Variants in CASP2 observed in about 807,000 individuals in gnomAD.
The protein encoded by CASP2 is caspase-2.
In CASP2, 38 loss-of-function variants were observed where a neutral mutation model predicts 54.4. The observed-to-expected ratio is 0.70, with a 90% CI of 0.54 to 0.92. CASP2 has a LOEUF of 0.92. CASP2 is among the 40% of genes least tolerant of loss of function. The pLI, the probability that CASP2 is intolerant of heterozygous loss-of-function variation, is 0.00. For missense variants in CASP2, 512 were observed against 579.6 expected, an observed-to-expected ratio of 0.88 and a Z score of 1.20; for synonymous variants, 215 against 216.3, an observed-to-expected ratio of 0.99 and a Z score of 0.05.
chr7:143,291,987 C>T (rs867615472), intron 2 of CASP2, among the ~76,000 whole-genome samples: 12 of 151,882 alleles, frequency 7.9e-5, no homozygotes, highest in Middle Eastern at 3.4e-3. Context: ...ACTGTGTTAG[C>T]CAGGAGGGTG....
intron 6 of CASP2, among the ~76,000 whole-genome samples, chr7:143,297,066 G>A (rs528699988): frequency 3.3e-5 from 5 of 152,208 alleles, no homozygotes; most frequent in Admixed American, 1.3e-4. Flanking sequence ...CTTTGAAAAT[G>A]TAAGGACAAG....
In CASP2 at chr7:143,294,318, C is replaced by A. The variant is rs757926326; in HGVS notation, c.564C>A (p.Phe188Leu). 3 of 1,603,132 alleles carry A rather than the reference C, an allele frequency of 1.9e-6. No homozygotes were observed. The highest frequency in any genetic ancestry group is 2.6e-6 in the Non-Finnish European group (3 of 1,170,148). Residue 188 changes from phenylalanine (F) to leucine (L), a missense_variant, in exon 5 of 11, where the codon TTC (phenylalanine) becomes TTA (leucine). Physicochemically the swap from Phe to Leu is conservative, Grantham distance 22. Around this residue, in one of 3 missense-constraint regions of CASP2, gnomAD observed 417 missense variants for 495.4 expected, o/e 0.84. Coordinates refer to ENST00000310447, the MANE Select transcript of CASP2 (RefSeq NM_032982.4). ...CTCCTGAATTTTATCAAACACACTT[C>A]CAGCTGGTGAGTTTTTGCATAATGA... ...PCTPEFYQTH[F>L]QLAYRLQSRP...
At position 143,304,759 on chromosome 7, in the gene CASP2, G is replaced by A. The variant is rs750841601; in HGVS notation, c.1203G>A (p.Met401Ile). 1.5e-5 allele frequency: 25 copies of A among 1,614,058 alleles called. No individual in the cohort carries two copies. The highest frequency in any genetic ancestry group is 2.1e-5 in the Non-Finnish European group (25 of 1,180,012). Residue 401 changes from methionine to isoleucine, a missense_variant, in exon 10 of 11, where the codon ATG (methionine) becomes ATA (isoleucine). Met to Ile is a conservative substitution (Grantham distance 10). Around this residue, in one of 3 missense-constraint regions of CASP2, gnomAD observed 417 missense variants for 495.4 expected, o/e 0.84. Transcript: ENST00000310447. ...AQVFSERACD[M>I]HVADMLVKVN... is the part of the protein sequence containing the mutation. ...TGTTTTCTGAGCGGGCTTGTGATAT[G>A]CACGTGGCCGACATGCTGGTTAAGG...
chr7:143,289,510 C>A, intron 1 of CASP2: 1 of 326,406 alleles, frequency 3.1e-6, no homozygotes, highest in Non-Finnish European at 4.4e-6. Flanking sequence ...ATATTAAGGG[C>A]AGGCCAAAGG....
rs984754149 is a variant in CASP2 at position 143,292,181 on chromosome 7, A to T, written c.226-119A>T. 8 of 975,222 alleles carry T rather than the reference A, an allele frequency of 8.2e-6. No homozygotes were observed. In the African/African-American group the frequency reaches 1.1e-4, roughly 14 times the overall value. 60.4% of individuals were successfully genotyped at this position (975,222 alleles called of 1,614,324 possible). A position where few individuals can be genotyped will look rare whatever the true frequency, so the allele number is the denominator to read the frequency against. ...ATAACAGAAAGGACTTCACCCATAC[A>T]TACACTTTTCCTGTAAAAAGAATTC... is the stretch of plus-strand genomic sequence containing the variant. On this transcript the variant is annotated intron_variant, in intron 2 of 10. Transcript: ENST00000310447.
rs1313416142 is a variant in CASP2 at position 143,292,700 on chromosome 7, T to C, written c.475+2T>C. 2 of 1,610,464 alleles carry C rather than the reference T, an allele frequency of 1.2e-6. No individual in the cohort carries two copies. Among genetic ancestry groups the C allele is most frequent in the Non-Finnish European group, 8.5e-7 (1 of 1,178,416 alleles). On this transcript the variant is annotated splice_donor_variant, in intron 4 of 10. Coordinates refer to ENST00000310447, the MANE Select transcript of CASP2 (RefSeq NM_032982.4). LOFTEE classifies it high-confidence loss of function. ...ACAAGAAGCTCCGCCTGTCGACAGG[T>C]GAGAATTGATGGACTAAAAGGGGTC... is the stretch of plus-strand genomic sequence containing the variant.
intron 1 of CASP2, among the ~76,000 whole-genome samples, chr7:143,291,102 A>G (rs1427225619): frequency 6.6e-6 from 1 of 152,244 alleles, no homozygotes; most frequent in Non-Finnish European, 1.5e-5. Context: ...CATTGGCTTG[A>G]GTTTTTACCA....
In CASP2 at chr7:143,305,906, C is replaced by G. The variant is rs1802049480; in HGVS notation, c.*835C>G. The G allele has an allele frequency of 6.6e-6, 1 of 152,254 alleles. No homozygotes were observed. The highest frequency in any genetic ancestry group is 2.1e-4 in the South Asian group (1 of 4,832). 9.4% of individuals were successfully genotyped at this position (152,254 alleles called of 1,614,324 possible). On this transcript the variant is annotated 3_prime_UTR_variant, in exon 11 of 11. Transcript: ENST00000310447. ...TTTCCTTCCTGAGAAACGTCCATCT[C>G]TCTCCCTTACTATTCCCACTTTCAT...
At chr7:143,300,378 A>G (rs2116795772) in intron 8 of CASP2, 84 bp downstream of exon 8, 1 of 1,602,646 alleles carries the variant, frequency 6.2e-7, no homozygotes, top group Non-Finnish European at 8.5e-7. Flanking sequence ...TGCTCCTCTC[A>G]GGTGCTATTG....
At chr7:143,303,332 T>C (rs1265168947) in intron 8 of CASP2, 1 of 160,380 alleles carries the variant, frequency 6.2e-6, no homozygotes, top group African/African-American at 2.4e-5. Flanking sequence ...ACCGTATTTG[T>C]TATTTATTAC....
Position 143,305,159 on chromosome 7 carries a change from C to G in CASP2, c.*88C>G. 2 of 1,523,702 alleles carry G rather than the reference C, an allele frequency of 1.3e-6. No individual in the cohort carries two copies. Among genetic ancestry groups the G allele is most frequent in the South Asian group, 1.1e-5 (1 of 88,418 alleles). The allele number at this position is 1,523,702 out of a possible 1,614,324, so 94.4% of individuals were successfully genotyped here. On this transcript the variant is annotated 3_prime_UTR_variant, in exon 11 of 11. Coordinates refer to ENST00000310447, the MANE Select transcript of CASP2 (RefSeq NM_032982.4). ...CTTTGATCTTCAGGATGCACGGTTT[C>G]TGTTCTGCCCCCTCAGGGATGTGGG...
At position 143,306,092 on chromosome 7, in the gene CASP2, T is replaced by G. The variant is rs990626656; in HGVS notation, c.*1021T>G. ...ACAGGATCATGTAAATGCTCAAAGA[T>G]GTAATGTAGTTCTTTGTTCCTGCTT... On this transcript the variant is annotated 3_prime_UTR_variant, in exon 11 of 11. Coordinates refer to ENST00000310447, the MANE Select transcript of CASP2 (RefSeq NM_032982.4). 1.3e-5 allele frequency: 2 copies of G among 152,162 alleles called. No individual in the cohort carries two copies. Among genetic ancestry groups the G allele is most frequent in the Non-Finnish European group, 2.9e-5 (2 of 68,034 alleles). The allele number at this position is 152,162 out of a possible 1,614,324, so 9.4% of individuals were successfully genotyped here.
chr7:143,294,468 T>A, intron 5 of CASP2, 129 bp from the exon 6 acceptor site: 1 of 1,063,990 alleles, frequency 9.4e-7, no homozygotes, highest in Non-Finnish European at 1.5e-6. Context: ...CTGTGAGCAT[T>A]TGTCTATTTT....
At chr7:143,289,829 A>G (rs940449158) in intron 1 of CASP2, among the ~76,000 whole-genome samples, 1 of 152,154 alleles carries the variant, frequency 6.6e-6, no homozygotes, top group Non-Finnish European at 1.5e-5. Flanking sequence ...GAAAAAATGG[A>G]GTTTCAGACT....
At chr7:143,292,831 T>G in intron 4 of CASP2, 133 bp downstream of exon 4, 1 of 721,538 alleles carries the variant, frequency 1.4e-6, no homozygotes. Flanking sequence ...GCCAACATGG[T>G]GAAACCCCGT....
In CASP2 at chr7:143,291,710, A is replaced by G. The variant is rs1801566240; in HGVS notation, c.225+20A>G. 1 of 1,606,978 alleles carries G rather than the reference A, an allele frequency of 6.2e-7. No homozygotes were observed. Among genetic ancestry groups the G allele is most frequent in the East Asian group, 2.2e-5 (1 of 44,748 alleles). ...ATCCAGGTATCTGGAGGCAAAAGAG[A>G]GAAGATAAATTGATCATGGGGTGGG... On this transcript the variant is annotated intron_variant, in intron 2 of 10. Transcript: ENST00000310447.
In CASP2 at chr7:143,305,330, G is replaced by A. The variant is rs1180214261; in HGVS notation, c.*259G>A. On this transcript the variant is annotated 3_prime_UTR_variant, in exon 11 of 11. Coordinates refer to ENST00000310447, the MANE Select transcript of CASP2 (RefSeq NM_032982.4). Reference sequence around the variant, plus strand: ...GGAATGTTTCAGCTGCAGTTGAAGAGCCTGACAAGTGAAGTTGTAAACACA... The same window carrying A: ...GGAATGTTTCAGCTGCAGTTGAAGAACCTGACAAGTGAAGTTGTAAACACA... 1.8e-6 allele frequency: 1 copy of A among 563,160 alleles called. No individual in the cohort carries two copies. The highest frequency in any genetic ancestry group is 1.9e-5 in the African/African-American group (1 of 53,230). The allele number at this position is 563,160 out of a possible 1,614,324, so 34.9% of individuals were successfully genotyped here. A position where few individuals can be genotyped will look rare whatever the true frequency, so the allele number is the denominator to read the frequency against.
In CASP2 at chr7:143,291,587, A is replaced by G. The variant is rs755505521; in HGVS notation, c.122A>G (p.Lys41Arg). Residue 41 changes from lysine (K) to arginine (R), a missense_variant, in exon 2 of 11, where the codon AAA becomes AGA. Physicochemically the swap from Lys to Arg is conservative, Grantham distance 26. Coordinates refer to ENST00000310447, the MANE Select transcript of CASP2 (RefSeq NM_032982.4). ...CATCCTCATCATCAGGAAACTCTAAAAAAGAACCGAGTGGTGCTAGCCAAA... is the reference window on the plus strand; with the variant it reads ...CATCCTCATCATCAGGAAACTCTAAGAAAGAACCGAGTGGTGCTAGCCAAA... ...GMHPHHQETL[K>R]KNRVVLAKQL... 3.1e-6 allele frequency: 5 copies of G among 1,614,146 alleles called. No individual in the cohort carries two copies. The Admixed American group carries it at 8.3e-5, about 27-fold the overall frequency.
chr7:143,297,765 C>G (rs985411792), intron 6 of CASP2, among the ~76,000 whole-genome samples: 1 of 152,196 alleles, frequency 6.6e-6, no homozygotes, highest in African/African-American at 2.4e-5. Context: ...CTTCTTTGAG[C>G]AAAATTAACT....
Sources: allele counts gnomAD v4.1 joint callset (sites outside exome capture counted in the v4.1 genomes callset), GRCh38; gene constraint gnomAD v4.1.1; regional missense constraint gnomAD v4.1.1; transcripts MANE v1.5; gene names NCBI Gene and HGNC (gene_info 2026-07-23, HGNC 2026-07-21).